TAF2: variants seen among roughly 807,000 people sequenced by gnomAD.
TAF2 encodes TATA-box binding protein associated factor 2.
A neutral mutation model predicts 138.5 loss-of-function variants in TAF2; 61 were observed. That is an observed-to-expected ratio of 0.44 (90% confidence interval 0.36 to 0.54). The LOEUF (loss-of-function observed/expected upper bound fraction) is 0.54, where lower values mean the gene tolerates loss of function less well. TAF2 is among the 20% of genes least tolerant of loss of function. The pLI, the probability that TAF2 is intolerant of heterozygous loss-of-function variation, is 0.00. For missense variants in TAF2, 1,090 were observed against 1,427.9 expected (o/e 0.76, Z 3.81); for synonymous variants, 475 against 469.9 (o/e 1.01, Z -0.14).
intron 3 of TAF2, among the ~76,000 whole-genome samples, chr8:119,818,824 A>G (rs1825650887): frequency 6.6e-6 from 1 of 152,136 alleles, no homozygotes; most frequent in Admixed American, 6.6e-5. Context: ...TAACAGCAAT[A>G]TATGTTTAAT....
Position 119,746,729 on chromosome 8 carries a change from TG to T in TAF2, c.3083del (p.Pro1028HisfsTer3). On this transcript the variant is annotated frameshift_variant, in exon 23 of 26. Transcript: ENST00000378164. LOFTEE classifies it high-confidence loss of function. ...CAGGGTTCTGAAATCCAACTAGCTGTGGGTGACTGCTTGGATTATTTGCAGC... is the reference window on the plus strand; with the variant it reads ...CAGGGTTCTGAAATCCAACTAGCTGTGGTGACTGCTTGGATTATTTGCAGC... ...QEAANNPSSH[P>X]QLVGFQNPFS... The T allele has an allele frequency of 6.2e-7, 1 of 1,614,180 alleles. No homozygotes were observed. The highest frequency in any genetic ancestry group is 8.5e-7 in the Non-Finnish European group (1 of 1,180,012).
At chr8:119,786,915 T>G (rs1823051961) in intron 14 of TAF2, among the ~76,000 whole-genome samples, 1 of 151,944 alleles carries the variant, frequency 6.6e-6, no homozygotes, top group South Asian at 2.1e-4. Context: ...AGCAAGACTG[T>G]CTAAAAAAAT....
intron 6 of TAF2, among the ~76,000 whole-genome samples, chr8:119,799,062 T>C (rs998273627): frequency 8.5e-5 from 13 of 152,162 alleles, no homozygotes; most frequent in Non-Finnish European, 1.9e-4. Flanking sequence ...TTGACTATCA[T>C]TTGCCTTGTT....
chr8:119,752,301 G>C (rs558089449), intron 22 of TAF2, among the ~76,000 whole-genome samples: 132 of 152,020 alleles, frequency 8.7e-4, no homozygotes, highest in Non-Finnish European at 1.4e-3. Flanking sequence ...CACATATATA[G>C]GTCAGTGTGT....
chr8:119,767,117 T>C (rs1821485784), intron 18 of TAF2: 1 of 152,176 alleles, frequency 6.6e-6, no homozygotes, highest in Non-Finnish European at 1.5e-5. Flanking sequence ...TCATCAATTC[T>C]TATAATGTGA....
At chr8:119,810,758 C>T (rs976032440) in intron 3 of TAF2, among the ~76,000 whole-genome samples, 1 of 152,106 alleles carries the variant, frequency 6.6e-6, no homozygotes, top group South Asian at 2.1e-4. Context: ...TTGTATTCCA[C>T]CCCAAGTTAT....
At chr8:119,747,650 C>T (rs564724268) in intron 22 of TAF2, among the ~76,000 whole-genome samples, 15 of 152,254 alleles carry the variant, frequency 9.9e-5, no homozygotes, top group Non-Finnish European at 2.1e-4. Flanking sequence ...GGTTTTCCCG[C>T]CTTCCTTTTC....
chr8:119,785,215 A>G lies in TAF2; in HGVS notation c.1845T>C (p.Asp615=). 6.2e-7 allele frequency: 1 copy of G among 1,612,774 alleles called. No individual in the cohort carries two copies. The highest frequency in any genetic ancestry group is 8.5e-7 in the Non-Finnish European group (1 of 1,179,060). ...AACTAACTTACTCCATTGCAGAAAGATCCATATCAACTTCTTCTCCATTCA... is the reference window on the plus strand; with the variant it reads ...AACTAACTTACTCCATTGCAGAAAGGTCCATATCAACTTCTTCTCCATTCA... The part of the protein sequence containing the change: ...PLMNGEEVDM[D]LSAMDADSPL... Residue 615 remains aspartate, a synonymous_variant, in exon 15 of 26, where the codon GAT becomes GAC. Coordinates refer to ENST00000378164, the MANE Select transcript of TAF2 (RefSeq NM_003184.4).
Position 119,803,908 on chromosome 8 carries a change from A to C in TAF2, c.530T>G (p.Val177Gly). The change falls in exon 5 of 26, where the codon GTT (valine) becomes GGT (glycine). Residue 177 changes from valine (V) to glycine (G), a missense_variant. Val to Gly is a moderately radical substitution (Grantham distance 109). Around this residue, in one of 3 missense-constraint regions of TAF2, gnomAD observed 504 missense variants for 680.9 expected, o/e 0.74. Coordinates refer to ENST00000378164, the MANE Select transcript of TAF2 (RefSeq NM_003184.4). Reference sequence around the variant, plus strand: ...AGAATTTTGATACCCACAAGAGAAAACATGAGCACCTCTCTCTGCCATACT... The same window carrying C: ...AGAATTTTGATACCCACAAGAGAAACCATGAGCACCTCTCTCTGCCATACT... ...EGSMAERGAHVFSCGYQNSTR... is the reference protein window; with the variant it reads ...EGSMAERGAHGFSCGYQNSTR... 6.2e-7 allele frequency: 1 copy of C among 1,613,928 alleles called. No individual in the cohort carries two copies. The highest frequency in any genetic ancestry group is 8.5e-7 in the Non-Finnish European group (1 of 1,179,940).
At chr8:119,744,453 A>G in intron 23 of TAF2, 60 bp from the exon 24 acceptor site, 1 of 1,443,310 alleles carries the variant, frequency 6.9e-7, no homozygotes, top group Non-Finnish European at 9.7e-7. Context: ...TTATGTTTGG[A>G]TATTAGCTCT....
rs534304850 is a variant in TAF2 at position 119,787,064 on chromosome 8, G to A, written c.1793+1274C>T. Among the ~76,000 whole-genome samples the A allele has an allele frequency of 2.0e-5, 3 of 152,250 alleles. No homozygotes were observed. In the South Asian group the frequency reaches 6.2e-4, roughly 32 times the overall value. On this transcript the variant is annotated intron_variant, in intron 14 of 25. Transcript: ENST00000378164. ...TCAAAATTGACAAATGGGATCTAAT[G>A]AAACTAAAGAGTTTCTGCACAGTTA...
At chr8:119,740,512 A>AAAT (rs1405913341) in intron 25 of TAF2, among the ~76,000 whole-genome samples, 2 of 149,882 alleles carry the variant, frequency 1.3e-5, no homozygotes, top group Non-Finnish European at 3.0e-5. Flanking sequence ...AAAAAAAAAA[A>AAAT]AAATTAGCCG....
Position 119,785,219 on chromosome 8 carries a change from A to C in TAF2, c.1841T>G (p.Met614Arg). 6.2e-7 allele frequency: 1 copy of C among 1,612,942 alleles called. No individual in the cohort carries two copies. Among genetic ancestry groups the C allele is most frequent in the Non-Finnish European group, 8.5e-7 (1 of 1,179,154 alleles). The change falls in exon 15 of 26, where the codon ATG (methionine) becomes AGG (arginine). Residue 614 changes from methionine (M) to arginine (R), a missense_variant. Met to Arg is a moderately conservative substitution (Grantham distance 91, BLOSUM62 -1). This residue lies in a region of TAF2 where 580 missense variants were observed against 719.6 expected (regional missense o/e 0.81). Coordinates refer to ENST00000378164, the MANE Select transcript of TAF2 (RefSeq NM_003184.4). ...AACTTACTCCATTGCAGAAAGATCCATATCAACTTCTTCTCCATTCATCAG... is the reference window on the plus strand; with the variant it reads ...AACTTACTCCATTGCAGAAAGATCCCTATCAACTTCTTCTCCATTCATCAG... The part of the protein sequence containing the change: ...IPLMNGEEVD[M>R]DLSAMDADSP...
intron 5 of TAF2, among the ~76,000 whole-genome samples, chr8:119,802,534 G>A (rs141908572): frequency 4.6e-5 from 7 of 152,310 alleles, no homozygotes; most frequent in African/African-American, 1.2e-4. Flanking sequence ...AGTTCAGTAA[G>A]GTGTTACGTG....
chr8:119,743,488 T>G (rs1563817993), intron 24 of TAF2, among the ~76,000 whole-genome samples: 1 of 152,170 alleles, frequency 6.6e-6, no homozygotes, highest in Non-Finnish European at 1.5e-5. Flanking sequence ...CATGTTAACT[T>G]TGGTGGCAGG....
intron 2 of TAF2, among the ~76,000 whole-genome samples, chr8:119,829,830 G>A (rs1826327118): frequency 6.6e-6 from 1 of 151,034 alleles, no homozygotes; most frequent in South Asian, 2.1e-4. Context: ...ATGCCCTTAA[G>A]AAAGTTACTT....
chr8:119,761,201 G>A (rs1248188457), intron 19 of TAF2, among the ~76,000 whole-genome samples: 2 of 151,966 alleles, frequency 1.3e-5, no homozygotes, highest in Non-Finnish European at 2.9e-5. Context: ...CATATGTTTG[G>A]ATATGTTTAA....
rs532313776 is a variant in TAF2, at chr8:119,792,937, A to T, written c.1277+429T>A. Among the ~76,000 whole-genome samples, 106 of 152,286 alleles carry T rather than the reference A, an allele frequency of 7.0e-4. 1 individual carries two copies. Among genetic ancestry groups the T allele is most frequent in the South Asian group, 1.2e-3 (6 of 4,820 alleles). ...CAAGAAGTAAATTTCTACTGTTTAC[A>T]TTATTACCCAGTCTGTGGTACTTTG... On this transcript the variant is annotated intron_variant, in intron 10 of 25. Transcript: ENST00000378164.
intron 9 of TAF2, among the ~76,000 whole-genome samples, chr8:119,793,823 T>A (rs999516418): frequency 6.6e-6 from 1 of 151,046 alleles, no homozygotes; most frequent in Non-Finnish European, 1.5e-5. Flanking sequence ...GTCAGGAATC[T>A]ATCATTTTAA....
Sources: allele counts gnomAD v4.1 joint callset (sites outside exome capture counted in the v4.1 genomes callset), GRCh38; gene constraint gnomAD v4.1.1; regional missense constraint gnomAD v4.1.1; transcripts MANE v1.5; gene names NCBI Gene and HGNC (gene_info 2026-07-23, HGNC 2026-07-21).